Variants in NFYC observed in about 807,000 individuals in gnomAD.
NFYC encodes nuclear transcription factor Y subunit gamma, also known as CAAT box DNA-binding protein subunit C.
Under a neutral mutation model 53.1 loss-of-function variants are expected in NFYC, and 25 were observed. The ratio of observed to expected loss-of-function variants is 0.47; its 90% confidence interval spans 0.34 to 0.66. The LOEUF (loss-of-function observed/expected upper bound fraction) is 0.66. Among genes scored for constraint, NFYC ranks in the 30% least tolerant of loss-of-function variants. NFYC has a pLI of 0.01. For missense variants in NFYC, 260 were observed against 422.7 expected (o/e 0.62, Z 3.38); for synonymous variants, 145 against 152.6 (o/e 0.95, Z 0.37).
intron 1 of NFYC, among the ~76,000 whole-genome samples, chr1:40,719,159 G>T (rs1426655431): frequency 6.6e-6 from 1 of 152,194 alleles, no homozygotes; most frequent in Admixed American, 6.5e-5. Flanking sequence ...GTGAGCCACG[G>T]CGCCTGGCCC....
chr1:40,712,054 G>C (rs1250349958), intron 1 of NFYC, among the ~76,000 whole-genome samples: 1 of 152,174 alleles, frequency 6.6e-6, no homozygotes, highest in Non-Finnish European at 1.5e-5. Context: ...AAAGTACTTT[G>C]CAAATTGTGA....
intron 4 of NFYC, among the ~76,000 whole-genome samples, chr1:40,750,154 T>C (rs572553962): frequency 3.9e-5 from 6 of 152,152 alleles, no homozygotes; most frequent in East Asian, 1.9e-4. Flanking sequence ...TCTTCTTCTT[T>C]TTTTTTTAAT....
intron 1 of NFYC, among the ~76,000 whole-genome samples, chr1:40,736,367 T>A (rs148617507): frequency 1.5e-4 from 23 of 152,234 alleles, no homozygotes; most frequent in Non-Finnish European, 3.4e-4. Context: ...AAACCTAGAG[T>A]TGTCAGCTTT....
At chr1:40,760,740 G>T (rs1570707956) in intron 6 of NFYC, among the ~76,000 whole-genome samples, 2 of 152,030 alleles carry the variant, frequency 1.3e-5, no homozygotes, top group South Asian at 4.2e-4. Flanking sequence ...AGGTAATTAT[G>T]ATTTTAGGAT....
chr1:40,737,989 G>A (rs968547511), intron 1 of NFYC, among the ~76,000 whole-genome samples: 189 of 143,282 alleles, frequency 1.3e-3, no homozygotes, highest in African/African-American at 4.7e-3. Context: ...TGCAAGCTCC[G>A]CCTCCCGGGT....
chr1:40,749,037 A>C (rs1167744908), intron 3 of NFYC, among the ~76,000 whole-genome samples: 1 of 152,326 alleles, frequency 6.6e-6, no homozygotes, highest in Non-Finnish European at 1.5e-5. Context: ...ACACATCAAG[A>C]AAGTTTATAT....
intron 1 of NFYC, among the ~76,000 whole-genome samples, chr1:40,731,729 C>A (rs894678913): frequency 1.3e-5 from 2 of 151,994 alleles, no homozygotes; most frequent in African/African-American, 4.8e-5. Context: ...CGTGATCTGC[C>A]CACCTCGGCC....
intron 1 of NFYC, among the ~76,000 whole-genome samples, chr1:40,708,281 A>G (rs1235660243): frequency 2.0e-5 from 3 of 152,220 alleles, no homozygotes; most frequent in Non-Finnish European, 4.4e-5. Flanking sequence ...CTGCATAGCT[A>G]CTGCATTGCA....
intron 5 of NFYC, among the ~76,000 whole-genome samples, chr1:40,755,435 T>C (rs1570667513): frequency 6.6e-6 from 1 of 152,248 alleles, no homozygotes. Flanking sequence ...TCCAAGGCCC[T>C]GACTTCTCAA....
At chr1:40,722,256 A>G (rs758337923) in intron 1 of NFYC, among the ~76,000 whole-genome samples, 1 of 152,150 alleles carries the variant, frequency 6.6e-6, no homozygotes, top group Non-Finnish European at 1.5e-5. Context: ...TAGTATAGCT[A>G]TTGATCATTG....
intron 1 of NFYC, among the ~76,000 whole-genome samples, chr1:40,728,584 A>C (rs1644625610): frequency 6.6e-6 from 1 of 151,748 alleles, no homozygotes; most frequent in Non-Finnish European, 1.5e-5. Flanking sequence ...CGACAGAGTG[A>C]GACTGTCACA....
Position 40,698,466 on chromosome 1 carries a change from G to A in NFYC, c.-9+6599G>A, listed in dbSNP as rs145126200. Among the ~76,000 whole-genome samples, 114 of 151,548 alleles carry A rather than the reference G, an allele frequency of 7.5e-4. 3 individuals are homozygous for A. The East Asian group carries it at 0.02, about 27-fold the overall frequency. The stretch of plus-strand genomic sequence containing the variant: ...TTATTTGCTGGAGTCTTGCTCTGTC[G>A]CCCAGGCTGGAGTGCAGTGACATGA... On this transcript the variant is annotated intron_variant, in intron 1 of 9. Transcript: ENST00000447388.
intron 2 of NFYC, among the ~76,000 whole-genome samples, chr1:40,742,772 A>G (rs954489516): frequency 6.6e-6 from 1 of 152,202 alleles, no homozygotes; most frequent in African/African-American, 2.4e-5. Context: ...GTAAGAATGC[A>G]ATCCAGTAAA....
chr1:40,752,355 T>C (rs1645963131), intron 4 of NFYC, among the ~76,000 whole-genome samples: 1 of 152,234 alleles, frequency 6.6e-6, no homozygotes, highest in Admixed American at 6.5e-5. Flanking sequence ...CCTTTTGCTT[T>C]AAATCTTTAG....
chr1:40,708,229 G>T (rs1346463742), intron 1 of NFYC, among the ~76,000 whole-genome samples: 1 of 152,220 alleles, frequency 6.6e-6, no homozygotes, highest in East Asian at 1.9e-4. Flanking sequence ...TGGGAAGATT[G>T]CTTGAGCCCA....
chr1:40,734,486 G>A (rs960161287), intron 1 of NFYC, among the ~76,000 whole-genome samples: 3 of 151,770 alleles, frequency 2.0e-5, no homozygotes, highest in African/African-American at 7.3e-5. Context: ...CTTGGTTCCC[G>A]AGTAGCTGGG....
intron 1 of NFYC, among the ~76,000 whole-genome samples, chr1:40,737,598 G>T (rs1432001799): frequency 6.6e-6 from 1 of 152,028 alleles, no homozygotes; most frequent in African/African-American, 2.4e-5. Flanking sequence ...CAGAGTGTTT[G>T]GATTACAGGC....
chr1:40,753,656 A>G (rs1036026048), intron 5 of NFYC, among the ~76,000 whole-genome samples: 1 of 152,142 alleles, frequency 6.6e-6, no homozygotes, highest in African/African-American at 2.4e-5. Context: ...CTTCCTCTAT[A>G]TTGTGGTTCA....
At chr1:40,705,502 CTTTA>C (rs1440162889) in intron 1 of NFYC, among the ~76,000 whole-genome samples, 11 of 152,340 alleles carry the variant, frequency 7.2e-5, no homozygotes, top group Admixed American at 7.2e-4. Context: ...TAACCAAACT[CTTTA>C]TTTGGATGCC....
Sources: gnomAD v4.1 joint callset for allele counts (sites outside exome capture counted in the v4.1 genomes callset) on GRCh38, gnomAD v4.1.1 for gene constraint, MANE v1.5 for transcripts, NCBI Gene and HGNC (gene_info 2026-07-23, HGNC 2026-07-21) for gene names.